Variants in TCF7L1 observed in about 807,000 individuals in gnomAD.
The protein encoded by TCF7L1 is transcription factor 7-like 1.
In TCF7L1, 18 loss-of-function variants were observed where a neutral mutation model predicts 63.7. The ratio of observed to expected loss-of-function variants is 0.28; its 90% CI spans 0.20 to 0.42. The LOEUF (loss-of-function observed/expected upper bound fraction) is 0.42, where lower values mean the gene tolerates loss of function less well. Ranked by LOEUF, TCF7L1 falls within the 10% of genes least tolerant of loss-of-function variation. TCF7L1 has a pLI of 1.00. For synonymous variants in TCF7L1, 355 were observed against 340.9 expected (o/e 1.04, Z -0.46); for missense variants, 654 against 779.3 (o/e 0.84, Z 1.91).
intron 3 of TCF7L1, among the ~76,000 whole-genome samples, chr2:85,246,545 G>A (rs1680468206): frequency 6.6e-6 from 1 of 152,192 alleles, no homozygotes; most frequent in Admixed American, 6.5e-5. Flanking sequence ...AATAGACAGT[G>A]AGTTGAGGCT....
At chr2:85,151,521 C>G (rs1158051561) in intron 3 of TCF7L1, among the ~76,000 whole-genome samples, 1 of 152,118 alleles carries the variant, frequency 6.6e-6, no homozygotes, top group Admixed American at 6.5e-5. Context: ...ATTATCAGCA[C>G]CCACATCCTT....
At chr2:85,178,451 C>G (rs945759606) in intron 3 of TCF7L1, among the ~76,000 whole-genome samples, 1 of 152,172 alleles carries the variant, frequency 6.6e-6, no homozygotes, top group East Asian at 1.9e-4. Flanking sequence ...TACTGAACTC[C>G]TCCTGTGCAC....
intron 3 of TCF7L1, among the ~76,000 whole-genome samples, chr2:85,181,211 A>C (rs1678798928): frequency 6.6e-6 from 1 of 152,210 alleles, no homozygotes; most frequent in Non-Finnish European, 1.5e-5. Flanking sequence ...AGTGGTAAAT[A>C]GATGGACCTG....
Position 85,309,296 on chromosome 2 carries a change from A to C in TCF7L1, c.1601A>C (p.Gln534Pro). ...SAKAAASSSG[Q>P]MGSQPPLLSR... is the part of the protein sequence containing the mutation. ...AAGGCTGCAGCCTCCTCCTCTGGGC[A>C]GATGGGCAGCCAGCCTCCCCTCCTG... The change falls in exon 12 of 12, where the codon CAG becomes CCG. Residue 534 changes from glutamine to proline, a missense_variant. Gln to Pro is a moderately conservative substitution (Grantham distance 76, BLOSUM62 -1). This residue lies in a region of TCF7L1 where 184 missense variants were observed against 204.0 expected (regional missense o/e 0.90). Coordinates refer to ENST00000282111, the MANE Select transcript of TCF7L1 (RefSeq NM_031283.3). 6.2e-7 allele frequency: 1 copy of C among 1,613,462 alleles called. No individual in the cohort carries two copies. Among genetic ancestry groups the C allele is most frequent in the Non-Finnish European group, 8.5e-7 (1 of 1,179,938 alleles).
At position 85,133,588 on chromosome 2, in the gene TCF7L1, G is replaced by C. The variant is rs1328232805; in HGVS notation, c.-97G>C. On this transcript the variant is annotated 5_prime_UTR_variant, in exon 1 of 12. Transcript: ENST00000282111. This position sits in a 1 kb window ranked among gnomAD's most constrained non-coding sequence, Gnocchi z 4.4. ...ACTTTGTTGCGGCGGCTAGCGCAGCGGGCCCGCAAGCGGGCGGGAGGGGCG... is the reference window on the plus strand; with the variant it reads ...ACTTTGTTGCGGCGGCTAGCGCAGCCGGCCCGCAAGCGGGCGGGAGGGGCG... 3 of 341,152 alleles carry C rather than the reference G, an allele frequency of 8.8e-6. No homozygotes were observed. The highest frequency in any genetic ancestry group is 1.2e-5 in the Non-Finnish European group (3 of 243,190). The allele number at this position is 341,152 out of a possible 1,614,324, so 21.1% of individuals were successfully genotyped here.
At chr2:85,285,048 A>G (rs1681509488) in intron 4 of TCF7L1, among the ~76,000 whole-genome samples, 1 of 152,132 alleles carries the variant, frequency 6.6e-6, no homozygotes, top group South Asian at 2.1e-4. Flanking sequence ...CCTGGCTAAC[A>G]CGGTGAAACA....
At chr2:85,156,002 A>G (rs138980380) in intron 3 of TCF7L1, among the ~76,000 whole-genome samples, 5 of 152,210 alleles carry the variant, frequency 3.3e-5, no homozygotes, top group African/African-American at 4.8e-5. Flanking sequence ...AATTAAAAAC[A>G]AATGTTAAAG....
chr2:85,309,210 C>A lies in TCF7L1; in HGVS notation c.1515C>A (p.Leu505=), dbSNP rs1483697912. The A allele has an allele frequency of 5.6e-6, 9 of 1,614,144 alleles. No homozygotes were observed. The highest frequency in any genetic ancestry group is 7.6e-6 in the Non-Finnish European group (9 of 1,180,028). Residue 505 remains leucine, a synonymous_variant, in exon 12 of 12, where the codon CTC becomes CTA. Coordinates refer to ENST00000282111, the MANE Select transcript of TCF7L1 (RefSeq NM_031283.3). The part of the protein sequence containing the change: ...THSEQAQPLS[L]TTKPETRAQL... Reference sequence around the variant, plus strand: ...CGGAGCAAGCCCAGCCCCTCTCCCTCACCACCAAACCAGAAACCCGGGCCC... The same window carrying A: ...CGGAGCAAGCCCAGCCCCTCTCCCTAACCACCAAACCAGAAACCCGGGCCC...
chr2:85,190,535 A>T (rs551981878), intron 3 of TCF7L1, among the ~76,000 whole-genome samples: 5 of 152,170 alleles, frequency 3.3e-5, no homozygotes, highest in Non-Finnish European at 5.9e-5. Context: ...CTTCATGGAC[A>T]CTTACCATAT....
chr2:85,268,603 G>A (rs559559359), intron 3 of TCF7L1, among the ~76,000 whole-genome samples: 10 of 150,870 alleles, frequency 6.6e-5, no homozygotes, highest in East Asian at 2.0e-4. Flanking sequence ...CACCATGCCC[G>A]GCTAGTTTTT....
chr2:85,301,077 G>T (rs994944793), intron 4 of TCF7L1, among the ~76,000 whole-genome samples: 4 of 152,162 alleles, frequency 2.6e-5, no homozygotes, highest in Non-Finnish European at 4.4e-5. Flanking sequence ...ATCGTGCCCG[G>T]CCACAAATCT....
intron 3 of TCF7L1, among the ~76,000 whole-genome samples, chr2:85,239,436 G>GTGGACTGT (rs1445538667): frequency 6.6e-6 from 1 of 152,096 alleles, no homozygotes; most frequent in Non-Finnish European, 1.5e-5. Flanking sequence ...TCATCACAGT[G>GTGGACTGT]TGGACTGTTT....
chr2:85,238,975 A>G (rs1438378934), intron 3 of TCF7L1, among the ~76,000 whole-genome samples: 4 of 151,800 alleles, frequency 2.6e-5, no homozygotes, highest in African/African-American at 9.7e-5. Context: ...GTGATCCACC[A>G]CCACACCGAC....
At position 85,306,429 on chromosome 2, in the gene TCF7L1, G is replaced by T; in HGVS notation, c.1150-23G>T. 1 of 1,613,998 alleles carries T rather than the reference G, an allele frequency of 6.2e-7. No individual in the cohort carries two copies. The highest frequency in any genetic ancestry group is 8.5e-7 in the Non-Finnish European group (1 of 1,179,914). On this transcript the variant is annotated intron_variant, in intron 9 of 11. Transcript: ENST00000282111. This position sits in a 1 kb window ranked among gnomAD's most constrained non-coding sequence, Gnocchi z 4.3. ...GTCCCTGCATTGATGGCTCCGTGTG[G>T]TCTCTGACCCTCTCTCCCCCAGTGG...
At chr2:85,246,217 C>A (rs1680460713) in intron 3 of TCF7L1, among the ~76,000 whole-genome samples, 1 of 152,222 alleles carries the variant, frequency 6.6e-6, no homozygotes, top group Non-Finnish European at 1.5e-5. Flanking sequence ...CTTGCAATTA[C>A]TCATAAGCTT....
intron 3 of TCF7L1, among the ~76,000 whole-genome samples, chr2:85,188,276 C>T (rs1292364210): frequency 2.0e-5 from 3 of 152,126 alleles, no homozygotes; most frequent in Admixed American, 6.5e-5. Flanking sequence ...CACACACACA[C>T]GAGTGTTTGT....
At chr2:85,271,406 C>T (rs982300399) in intron 3 of TCF7L1, among the ~76,000 whole-genome samples, 5 of 152,210 alleles carry the variant, frequency 3.3e-5, no homozygotes, top group South Asian at 4.1e-4. Flanking sequence ...CTACCGCGCC[C>T]GGCCCAGTTT....
At chr2:85,204,717 T>C (rs1045526930) in intron 3 of TCF7L1, among the ~76,000 whole-genome samples, 1 of 152,028 alleles carries the variant, frequency 6.6e-6, no homozygotes, top group Non-Finnish European at 1.5e-5. Flanking sequence ...CAAAATACCA[T>C]CCAAAAAAAG....
At chr2:85,272,810 G>A (rs1681181736) in intron 3 of TCF7L1, among the ~76,000 whole-genome samples, 1 of 152,066 alleles carries the variant, frequency 6.6e-6, no homozygotes, top group South Asian at 2.1e-4. Context: ...CCATTAACCA[G>A]TATATCAATC....
Sources: gnomAD v4.1 joint callset for allele counts (sites outside exome capture counted in the v4.1 genomes callset) on GRCh38, gnomAD v4.1.1 for gene constraint, gnomAD v4.1.1 regional missense constraint, Gnocchi (gnomAD v3.1) non-coding constraint, MANE v1.5 for transcripts, NCBI Gene and HGNC (gene_info 2026-07-23, HGNC 2026-07-21) for gene names.